The following RAB3IL1 variants were observed in gnomAD, a reference collection of about 807,000 sequenced individuals.
RAB3IL1 encodes RAB3A interacting protein like 1.
RAB3IL1 carries 37 observed loss-of-function variants against 49.2 expected under a neutral mutation model. The ratio of observed to expected loss-of-function variants is 0.75; its 90% CI spans 0.58 to 0.99. RAB3IL1 has a LOEUF of 0.99. RAB3IL1 is among the 50% of genes least tolerant of loss of function. RAB3IL1 has a pLI of 0.00. For missense variants in RAB3IL1, 484 were observed against 513.0 expected (o/e 0.94, Z 0.55); for synonymous variants, 193 against 213.9 (o/e 0.90, Z 0.85).
rs1349469737 is a variant in RAB3IL1, at chr11:61,898,292, G to A, written c.1135C>T (p.Pro379Ser). The change falls in exon 10 of 10, where the codon CCC becomes TCC. Residue 379 changes from proline to serine, a missense_variant. Transcript: ENST00000394836. This position sits in a 1 kb window ranked among gnomAD's most constrained non-coding sequence, Gnocchi z 5.1. ...EMSLAKLGFF[P>S]QEA Reference sequence around the variant, plus strand: ...TGGGCCGCGCCCTAAGCCTCCTGGGGGAAGAAGCCGAGCTTGGCCAGTGAC... The same window carrying A: ...TGGGCCGCGCCCTAAGCCTCCTGGGAGAAGAAGCCGAGCTTGGCCAGTGAC... 3.7e-6 allele frequency: 6 copies of A among 1,613,174 alleles called. No individual in the cohort carries two copies. The highest frequency in any genetic ancestry group is 5.1e-6 in the Non-Finnish European group (6 of 1,179,980).
chr11:61,917,392 G>A lies in RAB3IL1; in HGVS notation c.-25C>T, dbSNP rs1591241112. ...TCCCGGCGCCTCGGGGCGCCCAGGC[G>A]TCCGTTCCCAGCGCCGCCGCGTCCT... On this transcript the variant is annotated 5_prime_UTR_variant, in exon 1 of 10. It adds an upstream start codon to the 5' untranslated region. Transcript: ENST00000394836. 5.7e-6 allele frequency: 7 copies of A among 1,235,644 alleles called. No individual in the cohort carries two copies. In the East Asian group the frequency reaches 1.6e-4, roughly 29 times the overall value. 76.5% of individuals were successfully genotyped at this position (1,235,644 alleles called of 1,614,324 possible). A position where few individuals can be genotyped will look rare whatever the true frequency, so the allele number is the denominator to read the frequency against.
At chr11:61,929,035 T>C in the RAB3IL1 span, among the ~76,000 whole-genome samples, 1 of 152,226 alleles carries the variant, frequency 6.6e-6, no homozygotes, top group East Asian at 1.9e-4. Context: ...TTTTTAATTA[T>C]GGCTACATTA....
upstream of RAB3IL1, chr11:61,919,988 C>T: frequency 8.4e-7 from 1 of 1,187,494 alleles, no homozygotes; most frequent in Admixed American, 4.1e-5. Context: ...ACTGGCTGCC[C>T]TGAAGCTTGC....
intron 5 of RAB3IL1, among the ~76,000 whole-genome samples, chr11:61,905,495 G>A (rs1939138432): frequency 6.6e-6 from 1 of 152,190 alleles, no homozygotes; most frequent in Non-Finnish European, 1.5e-5. Flanking sequence ...CCTTGCTGGG[G>A]ACCACGCAGA....
chr11:61,899,548 T>G (rs908991900), intron 8 of RAB3IL1, 168 bp from the exon 9 acceptor site: 6 of 611,224 alleles, frequency 9.8e-6, no homozygotes, highest in Admixed American at 8.3e-5. Context: ...ACAGCATGAC[T>G]AGCCCTGCTG....
Position 61,917,540 on chromosome 11 carries a change from G to C in RAB3IL1, c.-173C>G. ...GCCTGGGCTCGCGGCCCCCAGCCCA[G>C]CCCCGACCCTGCCCTGGGCGGGTCA... On this transcript the variant is annotated 5_prime_UTR_variant, in exon 1 of 10. Coordinates refer to ENST00000394836, the MANE Select transcript of RAB3IL1 (RefSeq NM_013401.4). 5.4e-6 allele frequency: 6 copies of C among 1,109,706 alleles called. No individual in the cohort carries two copies. The highest frequency in any genetic ancestry group is 6.6e-6 in the Non-Finnish European group (6 of 911,500). The allele number at this position is 1,109,706 out of a possible 1,614,324, so 68.7% of individuals were successfully genotyped here.
chr11:61,942,768 T>C, the RAB3IL1 span, among the ~76,000 whole-genome samples: 1 of 152,256 alleles, frequency 6.6e-6, no homozygotes, highest in African/African-American at 2.4e-5. Flanking sequence ...GGAACTTTAT[T>C]CTTATTAAAA....
At chr11:61,901,786 C>G (rs1241955575) in intron 8 of RAB3IL1, among the ~76,000 whole-genome samples, 1 of 152,240 alleles carries the variant, frequency 6.6e-6, no homozygotes, top group Non-Finnish European at 1.5e-5. Context: ...GAGGAGGACC[C>G]TGACTTCCAG....
the RAB3IL1 span, among the ~76,000 whole-genome samples, chr11:61,935,103 C>T: frequency 1.8e-4 from 28 of 152,196 alleles, no homozygotes; most frequent in African/African-American, 6.5e-4. Flanking sequence ...AACAAGAGAG[C>T]ATAGTTTATG....
upstream of RAB3IL1, chr11:61,920,163 G>A: frequency 3.0e-6 from 4 of 1,322,602 alleles, no homozygotes; most frequent in Non-Finnish European, 2.9e-6. Context: ...CTCGGGCGGG[G>A]CACCCAGCGT....
rs527256903 is a variant in RAB3IL1, at chr11:61,902,538, T to C, written c.903A>G (p.Thr301=). Residue 301 remains threonine, a synonymous_variant, in exon 8 of 10, where the codon ACA becomes ACG. Coordinates refer to ENST00000394836, the MANE Select transcript of RAB3IL1 (RefSeq NM_013401.4). ...VAEVDCSSTN[T]CALSGLTRTC... is the part of the protein sequence containing the mutation. ...TGCGGGTCAGCCCGCTCAGGGCACA[T>C]GTGCTAGGGGAAAGCAAAATGGGTC... 5.6e-6 allele frequency: 9 copies of C among 1,596,720 alleles called. No individual in the cohort carries two copies. The Admixed American group carries it at 9.0e-5, about 16-fold the overall frequency.
At chr11:61,930,541 G>C in the RAB3IL1 span, among the ~76,000 whole-genome samples, 5 of 152,200 alleles carry the variant, frequency 3.3e-5, no homozygotes, top group African/African-American at 9.7e-5. Context: ...CACTTTGGGA[G>C]GCTGAGAAGG....
chr11:61,908,730 C>G (rs1379466974), intron 1 of RAB3IL1, among the ~76,000 whole-genome samples: 1 of 152,188 alleles, frequency 6.6e-6, no homozygotes, highest in East Asian at 1.9e-4. Flanking sequence ...CTTGACACCT[C>G]GGATGCACTC....
At chr11:61,901,689 G>T (rs1591217158) in intron 8 of RAB3IL1, among the ~76,000 whole-genome samples, 1 of 152,178 alleles carries the variant, frequency 6.6e-6, no homozygotes, top group Non-Finnish European at 1.5e-5. Context: ...GAAGCTGAGG[G>T]TGTCCCCTTG....
At chr11:61,899,527 A>G (rs994886427) in intron 8 of RAB3IL1, 147 bp from the exon 9 acceptor site, 3 of 658,018 alleles carry the variant, frequency 4.6e-6, no homozygotes, top group Admixed American at 2.7e-5. Flanking sequence ...GCTTTCAAGT[A>G]GTAATCAACA....
At chr11:61,946,274 G>T in the RAB3IL1 span, among the ~76,000 whole-genome samples, 1 of 152,190 alleles carries the variant, frequency 6.6e-6, no homozygotes, top group East Asian at 1.9e-4. Context: ...CCCCAGCCAA[G>T]CTGGGTCTCC....
rs575442723 is a variant in RAB3IL1 at position 61,898,200 on chromosome 11, C to T, written c.*78G>A. The T allele has an allele frequency of 5.6e-5, 77 of 1,385,540 alleles. No homozygotes were observed. The highest frequency in any genetic ancestry group is 2.1e-4 in the East Asian group (9 of 43,732). The allele number at this position is 1,385,540 out of a possible 1,614,324, so 85.8% of individuals were successfully genotyped here. ...TGGCTCAGGGCTGGCTCCAGGCCCCCGTCTCCCTGTGTGTCGGCTTGTTCT... is the reference window on the plus strand; with the variant it reads ...TGGCTCAGGGCTGGCTCCAGGCCCCTGTCTCCCTGTGTGTCGGCTTGTTCT... On this transcript the variant is annotated 3_prime_UTR_variant, in exon 10 of 10. Transcript: ENST00000394836. The surrounding 1 kb of genome is among the most constrained non-coding windows in gnomAD (Gnocchi z 5.1).
chr11:61,921,592 G>T (rs568673655), upstream of RAB3IL1, among the ~76,000 whole-genome samples: 58 of 152,190 alleles, frequency 3.8e-4, no homozygotes, highest in South Asian at 6.2e-3. Flanking sequence ...TTAGCCCTGC[G>T]TCATGACAAA....
the RAB3IL1 span, among the ~76,000 whole-genome samples, chr11:61,930,472 T>G: frequency 6.6e-6 from 1 of 152,212 alleles, no homozygotes; most frequent in Non-Finnish European, 1.5e-5. Context: ...AAGGTGGTAT[T>G]TCTGCATTAA....
Sources: allele counts gnomAD v4.1 joint callset (sites outside exome capture counted in the v4.1 genomes callset), GRCh38; gene constraint gnomAD v4.1.1; non-coding constraint Gnocchi (gnomAD v3.1); transcripts MANE v1.5; gene names NCBI Gene and HGNC (gene_info 2026-07-23, HGNC 2026-07-21).